PTPRJ: variants seen among roughly 807,000 people sequenced by gnomAD.
PTPRJ encodes the protein receptor-type tyrosine-protein phosphatase eta.
A neutral mutation model predicts 141.3 loss-of-function variants in PTPRJ; 129 were observed. The ratio of observed to expected loss-of-function variants is 0.91; its 90% CI spans 0.79 to 1.06. PTPRJ has a LOEUF of 1.06. Ranked by LOEUF, PTPRJ falls within the 50% of genes least tolerant of loss-of-function variation. PTPRJ has a pLI of 0.00. For synonymous variants in PTPRJ, 610 were observed against 640.5 expected (o/e 0.95, Z 0.72); for missense variants, 1,601 against 1,679.7 (o/e 0.95, Z 0.82).
intron 22 of PTPRJ, 148 bp from the exon 23 acceptor site, chr11:48,163,310 C>T (rs1857832053): frequency 4.3e-6 from 3 of 693,022 alleles, no homozygotes; most frequent in Non-Finnish European, 7.2e-6. Context: ...TGAGCAAGCA[C>T]TTTATCAGCT....
Position 48,143,007 on chromosome 11 carries a change from C to T in PTPRJ, c.2532C>T (p.His844=), listed in dbSNP as rs147493496. The change falls in exon 12 of 25, where the codon CAC becomes CAT. Residue 844 remains histidine, a synonymous_variant. Coordinates refer to ENST00000418331, the MANE Select transcript of PTPRJ (RefSeq NM_002843.4). ...AGTTCAGTGGATTTGAAGCCAGCCA[C>T]GGACCCATCAAAGCCTATGCTGTCA... is the stretch of plus-strand genomic sequence containing the variant. ...KVKFSGFEAS[H]GPIKAYAVIL... is the part of the protein sequence containing the mutation. 97 of 1,614,060 alleles carry T rather than the reference C, an allele frequency of 6.0e-5. No homozygotes were observed. The highest frequency in any genetic ancestry group is 2.7e-4 in the African/African-American group (20 of 74,934).
chr11:48,043,301 C>T (rs902375534), intron 1 of PTPRJ, among the ~76,000 whole-genome samples: 1 of 152,114 alleles, frequency 6.6e-6, no homozygotes, highest in Non-Finnish European at 1.5e-5. Context: ...ACTGCAGCTT[C>T]GAACAGGGCA....
intron 1 of PTPRJ, among the ~76,000 whole-genome samples, chr11:48,028,111 A>G (rs1055560601): frequency 6.6e-6 from 1 of 152,224 alleles, no homozygotes; most frequent in African/African-American, 2.4e-5. Context: ...CTACTGAGCC[A>G]TAAGTGGTCT....
intron 1 of PTPRJ, among the ~76,000 whole-genome samples, chr11:47,984,093 C>T (rs772428455): frequency 3.9e-5 from 6 of 152,134 alleles, no homozygotes; most frequent in Non-Finnish European, 7.4e-5. Flanking sequence ...AGACAGTTTA[C>T]GAAAACAGCA....
At chr11:48,060,241 A>T (rs1440440175) in intron 1 of PTPRJ, among the ~76,000 whole-genome samples, 1 of 152,214 alleles carries the variant, frequency 6.6e-6, no homozygotes, top group Non-Finnish European at 1.5e-5. Context: ...AGATTGACGA[A>T]ATAATATTTG....
chr11:48,036,871 T>C (rs533256037), intron 1 of PTPRJ, among the ~76,000 whole-genome samples: 4 of 152,314 alleles, frequency 2.6e-5, no homozygotes, highest in Admixed American at 6.5e-5. Flanking sequence ...ACCTGGGTAG[T>C]CTAGGGTGGT....
intron 8 of PTPRJ, among the ~76,000 whole-genome samples, chr11:48,131,341 C>T (rs771353347): frequency 7.9e-5 from 12 of 152,056 alleles, no homozygotes; most frequent in Non-Finnish European, 4.4e-5. Context: ...CCTCAGCCTC[C>T]CAAAGTGCTT....
At chr11:48,081,892 C>G (rs540310869) in intron 1 of PTPRJ, among the ~76,000 whole-genome samples, 2 of 152,136 alleles carry the variant, frequency 1.3e-5, no homozygotes, top group Non-Finnish European at 2.9e-5. Context: ...TCAGGAAGCT[C>G]GAAGTTTGTA....
At chr11:48,047,423 C>T (rs1050258843) in intron 1 of PTPRJ, among the ~76,000 whole-genome samples, 1 of 151,998 alleles carries the variant, frequency 6.6e-6, no homozygotes, top group African/African-American at 2.4e-5. Context: ...CTGCAGGGGT[C>T]TCCCGGTTAG....
At chr11:48,164,547 C>A in intron 24 of PTPRJ, 32 bp downstream of exon 24, 2 of 1,479,352 alleles carry the variant, frequency 1.4e-6, no homozygotes, top group Non-Finnish European at 1.8e-6. Flanking sequence ...GACATTCCAC[C>A]CTTCCCCTCC....
chr11:47,999,631 G>T (rs1383597371), intron 1 of PTPRJ, among the ~76,000 whole-genome samples: 2 of 152,088 alleles, frequency 1.3e-5, no homozygotes, highest in Admixed American at 6.6e-5. Context: ...GACACCTCTT[G>T]CCCCCATTGG....
In PTPRJ at chr11:48,121,048, C is replaced by A. The variant is rs373036329; in HGVS notation, c.398C>A (p.Thr133Asn). 43 of 1,612,252 alleles carry A rather than the reference C, an allele frequency of 2.7e-5. No individual in the cohort carries two copies. The Admixed American group carries it at 3.7e-4, about 14-fold the overall frequency. The change falls in exon 4 of 25, where the codon ACC becomes AAC. Residue 133 changes from threonine to asparagine, a missense_variant. Coordinates refer to ENST00000418331, the MANE Select transcript of PTPRJ (RefSeq NM_002843.4). The part of the protein sequence containing the change: ...FDIKAVSISP[T>N]NVILTWKSND... ...ATTAAAGCTGTTTCCATCAGTCCAA[C>A]CAATGTGATCTTAACTTGGAAAAGT... is the stretch of plus-strand genomic sequence containing the variant.
rs1565338158 is a variant in PTPRJ, at chr11:48,168,579, T to TATATATATAC, written c.*1220_*1221insTATATACATA. On this transcript the variant is annotated 3_prime_UTR_variant, in exon 25 of 25. Transcript: ENST00000418331. ...ATATATATATATATATATATATATATATACACTAAGCTCTCAAAAACAGTC... is the reference window on the plus strand; with the variant it reads ...ATATATATATATATATATATATATATATATATATACATACACTAAGCTCTCAAAAACAGTC... 2.5e-5 allele frequency: 3 copies of TATATATATAC among 119,918 alleles called. No homozygotes were observed. The highest frequency in any genetic ancestry group is 8.7e-5 in the Admixed American group (1 of 11,528). 7.4% of individuals were successfully genotyped at this position (119,918 alleles called of 1,614,324 possible). A position where few individuals can be genotyped will look rare whatever the true frequency, so the allele number is the denominator to read the frequency against.
At chr11:48,076,281 G>T (rs772868723) in intron 1 of PTPRJ, among the ~76,000 whole-genome samples, 2 of 152,128 alleles carry the variant, frequency 1.3e-5, no homozygotes, top group African/African-American at 4.8e-5. Flanking sequence ...TACCTCTTCT[G>T]TTTCTCTAAT....
Position 48,155,843 on chromosome 11 carries a change from C to A in PTPRJ, c.3272C>A (p.Thr1091Lys). The A allele has an allele frequency of 6.2e-7, 1 of 1,609,302 alleles. No individual in the cohort carries two copies. The highest frequency in any genetic ancestry group is 8.5e-7 in the Non-Finnish European group (1 of 1,175,722). The change falls in exon 20 of 25, where the codon ACG becomes AAG. Residue 1091 changes from threonine (T) to lysine (K), a missense_variant. Thr to Lys is a moderately conservative substitution (Grantham distance 78, BLOSUM62 -1). Transcript: ENST00000418331. ...AAACTTTCGGTCCAGACCCATTCAA[C>A]GGATGACTACATCAATGCCAACTAC... ...RVKLSVQTHS[T>K]DDYINANYMP...
rs1473649094 is a variant in PTPRJ at position 48,137,286 on chromosome 11, G to A, written c.2152+5G>A. The stretch of plus-strand genomic sequence containing the variant: ...GCCGGAAGTCATTCTGTACAGGTGA[G>A]TGTAGCCCCAACTGCCTCTTGGACT... On this transcript the variant is annotated splice_donor_5th_base_variant and intron_variant, in intron 10 of 24. Coordinates refer to ENST00000418331, the MANE Select transcript of PTPRJ (RefSeq NM_002843.4). 1.9e-6 allele frequency: 3 copies of A among 1,610,768 alleles called. No homozygotes were observed. The highest frequency in any genetic ancestry group is 2.5e-6 in the Non-Finnish European group (3 of 1,177,514).
chr11:48,000,078 T>C (rs1259905091), intron 1 of PTPRJ, among the ~76,000 whole-genome samples: 1 of 151,660 alleles, frequency 6.6e-6, no homozygotes, highest in Non-Finnish European at 1.5e-5. Context: ...AGGCTGGTCT[T>C]GCCCTCCTCA....
At chr11:48,109,569 AAC>A (rs1459668613) in intron 1 of PTPRJ, among the ~76,000 whole-genome samples, 2 of 152,174 alleles carry the variant, frequency 1.3e-5, no homozygotes, top group East Asian at 1.9e-4. Context: ...GAAAATCCCA[AAC>A]ACAGTGGATT....
chr11:48,154,976 T>TA (rs996643000), intron 19 of PTPRJ, among the ~76,000 whole-genome samples: 1 of 152,166 alleles, frequency 6.6e-6, no homozygotes, highest in Non-Finnish European at 1.5e-5. Flanking sequence ...TTAGCATTGT[T>TA]ATGTTATTTT....
Sources: gnomAD v4.1 joint callset for allele counts (sites outside exome capture counted in the v4.1 genomes callset) on GRCh38, gnomAD v4.1.1 for gene constraint, MANE v1.5 for transcripts, NCBI Gene and HGNC (gene_info 2026-07-23, HGNC 2026-07-21) for gene names.